SGCZ: variants seen among roughly 807,000 people sequenced by gnomAD.
The protein encoded by SGCZ is sarcoglycan zeta.
SGCZ carries 40 observed loss-of-function variants against 41.3 expected under a neutral mutation model. The observed-to-expected ratio is 0.97, with a 90% CI of 0.75 to 1.26. The LOEUF is 1.26. Among genes scored for constraint, SGCZ ranks in the 50% most tolerant of loss-of-function variants. The pLI, the probability that SGCZ is intolerant of heterozygous loss-of-function variation, is 0.00. For synonymous variants in SGCZ, 206 were observed against 137.5 expected (o/e 1.50, Z -3.49); for missense variants, 552 against 369.8 (o/e 1.49, Z -4.04).
chr8:14,590,207 C>T, intron 1 of SGCZ, among the ~76,000 whole-genome samples: 1 of 151,892 alleles, frequency 6.6e-6, no homozygotes, highest in East Asian at 1.9e-4. Flanking sequence ...ATTTAAATAT[C>T]TTATGTCTAC....
chr8:14,425,573 A>G (rs929614044), intron 2 of SGCZ, among the ~76,000 whole-genome samples: 2 of 152,050 alleles, frequency 1.3e-5, no homozygotes, highest in Non-Finnish European at 2.9e-5. Flanking sequence ...GTGAGCCAAG[A>G]TCGCGCCACT....
In SGCZ at chr8:14,689,717, T is replaced by C. The variant is rs1282265513; in HGVS notation, c.40-134791A>G. 4.6e-5 allele frequency among the ~76,000 whole-genome samples: 7 copies of C among 152,318 alleles called. No homozygotes were observed. The South Asian group carries it at 1.0e-3, about 23-fold the overall frequency. On this transcript the variant is annotated intron_variant, in intron 1 of 7. Transcript: ENST00000382080. ...CTACAGCTGCACCTGCTCTTATTTG[T>C]AGGATGAAACTGTGTAATCACTGTC...
chr8:14,220,414 T>C (rs7830245), intron 4 of SGCZ, among the ~76,000 whole-genome samples: 6,737 of 152,090 alleles, frequency 0.044, 477 homozygotes, highest in African/African-American at 0.15. Context: ...GCTTTGAGAG[T>C]AGTAACTGAG....
chr8:14,710,699 T>A lies in SGCZ; in HGVS notation c.40-155773A>T, dbSNP rs189987383. Among the ~76,000 whole-genome samples the A allele has an allele frequency of 5.2e-3, 792 of 152,258 alleles. 3 individuals carry two copies. Among genetic ancestry groups the A allele is most frequent in the Non-Finnish European group, 9.5e-3 (646 of 68,000 alleles). ...ACATAATTTGTATCAAAAAGAACTATTTTTAAAACACTTTAAAATAACCTA... is the reference window on the plus strand; with the variant it reads ...ACATAATTTGTATCAAAAAGAACTAATTTTAAAACACTTTAAAATAACCTA... On this transcript the variant is annotated intron_variant, in intron 1 of 7. Transcript: ENST00000382080.
At chr8:14,212,045 C>T (rs1267434772) in intron 4 of SGCZ, among the ~76,000 whole-genome samples, 1 of 152,098 alleles carries the variant, frequency 6.6e-6, no homozygotes. Context: ...ATCTGCTATT[C>T]TGTATGATTT....
At chr8:15,176,540 G>A (rs1230923052) in intron 1 of SGCZ, among the ~76,000 whole-genome samples, 1 of 152,056 alleles carries the variant, frequency 6.6e-6, no homozygotes, top group Non-Finnish European at 1.5e-5. Flanking sequence ...TGCTTAAAGA[G>A]CCATGGAAAT....
At chr8:14,421,402 G>A (rs1227773764) in intron 2 of SGCZ, among the ~76,000 whole-genome samples, 1 of 152,046 alleles carries the variant, frequency 6.6e-6, no homozygotes, top group Non-Finnish European at 1.5e-5. Context: ...TAAAATGCAT[G>A]ATATATTCAC....
chr8:14,821,632 T>C (rs1802089017), intron 1 of SGCZ, among the ~76,000 whole-genome samples: 1 of 152,116 alleles, frequency 6.6e-6, no homozygotes. Flanking sequence ...CAGGCGAACC[T>C]GATTCTATGA....
At chr8:14,118,321 G>C (rs183536849) in intron 5 of SGCZ, among the ~76,000 whole-genome samples, 1 of 152,196 alleles carries the variant, frequency 6.6e-6, no homozygotes, top group African/African-American at 2.4e-5. Context: ...CTAATGACCA[G>C]TGATGGTGAG....
chr8:15,146,133 G>C (rs1476445729), intron 1 of SGCZ, among the ~76,000 whole-genome samples: 1 of 131,684 alleles, frequency 7.6e-6, no homozygotes. Context: ...TGAGAACTTA[G>C]AAAACTAAGA....
chr8:14,413,240 A>G (rs191093429), intron 2 of SGCZ, among the ~76,000 whole-genome samples: 153 of 152,144 alleles, frequency 1.0e-3, no homozygotes, highest in Non-Finnish European at 1.6e-3. Context: ...CTCTTAGGTA[A>G]TGTTGTAATT....
At chr8:15,208,284 T>C (rs2117152410) in intron 1 of SGCZ, among the ~76,000 whole-genome samples, 1 of 152,252 alleles carries the variant, frequency 6.6e-6, no homozygotes, top group African/African-American at 2.4e-5. Context: ...AATATAGGTA[T>C]GGCATATTAT....
chr8:14,919,600 A>G (rs1294416875), intron 1 of SGCZ, among the ~76,000 whole-genome samples: 1 of 152,110 alleles, frequency 6.6e-6, no homozygotes, highest in Non-Finnish European at 1.5e-5. Flanking sequence ...ATTACTCCAT[A>G]GTAATTTTGA....
chr8:14,800,542 G>A (rs1296066279), intron 1 of SGCZ, among the ~76,000 whole-genome samples: 1 of 152,146 alleles, frequency 6.6e-6, no homozygotes, highest in African/African-American at 2.4e-5. Flanking sequence ...CCTGGTGGAA[G>A]GTGATTAAGT....
intron 2 of SGCZ, among the ~76,000 whole-genome samples, chr8:14,438,440 G>A (rs931698560): frequency 5.9e-5 from 9 of 151,714 alleles, no homozygotes; most frequent in African/African-American, 2.2e-4. Context: ...AATTTTCTAG[G>A]GAGAGAAAAT....
chr8:14,767,065 T>C (rs186501165), intron 1 of SGCZ, among the ~76,000 whole-genome samples: 1,297 of 68,596 alleles, frequency 0.019, 18 homozygotes, highest in Middle Eastern at 0.093. Flanking sequence ...TCATCTGGTG[T>C]TTTATTTTTA....
intron 2 of SGCZ, among the ~76,000 whole-genome samples, chr8:14,456,264 C>A: frequency 6.6e-6 from 1 of 152,000 alleles, no homozygotes; most frequent in East Asian, 1.9e-4. Flanking sequence ...CAAAATTAGC[C>A]GGGTGTGGTG....
intron 2 of SGCZ, among the ~76,000 whole-genome samples, chr8:14,500,105 G>T (rs1004001665): frequency 2.6e-5 from 4 of 152,026 alleles, no homozygotes; most frequent in African/African-American, 9.7e-5. Flanking sequence ...TTCGCTAATT[G>T]GTAACTCACA....
chr8:14,443,526 T>C (rs1244218007), intron 2 of SGCZ, among the ~76,000 whole-genome samples: 1 of 152,156 alleles, frequency 6.6e-6, no homozygotes, highest in Admixed American at 6.5e-5. Context: ...AACTATCTGA[T>C]CTTTGACAAA....
Sources: gnomAD v4.1 joint callset for allele counts (sites outside exome capture counted in the v4.1 genomes callset) on GRCh38, gnomAD v4.1.1 for gene constraint, MANE v1.5 for transcripts, NCBI Gene and HGNC (gene_info 2026-07-23, HGNC 2026-07-21) for gene names.